Variants in C2orf49 observed in about 807,000 individuals in gnomAD.
The protein encoded by C2orf49 is tRNA-splicing ligase complex subunit ASW.
In C2orf49, 11 loss-of-function variants were observed where a neutral mutation model predicts 20.6. The observed-to-expected ratio is 0.53, with a 90% confidence interval of 0.34 to 0.88. C2orf49 has a LOEUF of 0.88. C2orf49 is among the 40% of genes least tolerant of loss of function. The pLI, the probability that C2orf49 is intolerant of heterozygous loss-of-function variation, is 0.02. For missense variants in C2orf49, 289 were observed against 274.2 expected (o/e 1.05, Z -0.38); for synonymous variants, 134 against 108.5 (o/e 1.24, Z -1.46).
the C2orf49 span, chr2:105,361,443 A>C: frequency 1.2e-6 from 2 of 1,610,808 alleles, no homozygotes; most frequent in East Asian, 4.5e-5. Flanking sequence ...TCCTGTTAAC[A>C]GAGAGAAAAT....
chr2:105,339,036 C>T (rs1049353892), intron 1 of C2orf49, among the ~76,000 whole-genome samples: 10 of 152,222 alleles, frequency 6.6e-5, no homozygotes, highest in Non-Finnish European at 1.0e-4. Context: ...TAATGATGTA[C>T]TGCTACTGTC....
intron 1 of C2orf49, among the ~76,000 whole-genome samples, chr2:105,338,551 C>G (rs758620583): frequency 9.2e-5 from 14 of 152,160 alleles, no homozygotes; most frequent in Non-Finnish European, 1.8e-4. Flanking sequence ...TTTTAACGAG[C>G]TTGTTGCTGG....
At chr2:105,363,549 G>A in the C2orf49 span, 13 of 1,329,360 alleles carry the variant, frequency 9.8e-6, no homozygotes, top group African/African-American at 2.9e-5. Context: ...GCCACTGGAC[G>A]ATGCAAGATC....
chr2:105,337,721 G>GGGGGCC, intron 1 of C2orf49, 35 bp downstream of exon 1: 1 of 26,800 alleles, frequency 3.7e-5, no homozygotes. Context: ...GGGCGGGTGG[G>GGGGGCC]CCTTCCCAGG....
intron 3 of C2orf49, 151 bp downstream of exon 3, chr2:105,343,374 C>T (rs1374391150): frequency 3.2e-6 from 2 of 633,494 alleles, no homozygotes; most frequent in African/African-American, 3.6e-5. Flanking sequence ...CTTATTACTC[C>T]AGTACTTGAA....
intron 3 of C2orf49, among the ~76,000 whole-genome samples, chr2:105,344,620 C>G (rs1020682239): frequency 6.6e-6 from 1 of 152,148 alleles, no homozygotes; most frequent in Middle Eastern, 3.4e-3. Flanking sequence ...TGCTCTGTCT[C>G]CCAGGCTGGA....
At chr2:105,385,433 G>T in the C2orf49 span, among the ~76,000 whole-genome samples, 1 of 152,344 alleles carries the variant, frequency 6.6e-6, no homozygotes, top group Admixed American at 6.5e-5. Context: ...AACGACCAGG[G>T]AGGAGAGCAG....
At chr2:105,349,709 A>T, downstream of C2orf49, among the ~76,000 whole-genome samples, 1 of 152,234 alleles carries the variant, frequency 6.6e-6, no homozygotes, top group Non-Finnish European at 1.5e-5. Context: ...GTAGAAAGTA[A>T]AACAGGGTCA....
chr2:105,360,314 A>AG, the C2orf49 span: 1 of 151,756 alleles, frequency 6.6e-6, no homozygotes, highest in Admixed American at 6.6e-5. Flanking sequence ...AAAAAAAAAA[A>AG]AAAAAGGGAG....
At chr2:105,350,338 G>A (rs775191453), downstream of C2orf49, among the ~76,000 whole-genome samples, 22 of 152,306 alleles carry the variant, frequency 1.4e-4, no homozygotes, top group African/African-American at 4.6e-4. Flanking sequence ...GAATGAAAAC[G>A]GGCAGTGGTA....
chr2:105,371,926 G>A, the C2orf49 span, among the ~76,000 whole-genome samples: 1 of 152,064 alleles, frequency 6.6e-6, no homozygotes, highest in Non-Finnish European at 1.5e-5. Context: ...TTGCACTGTC[G>A]CACAGCACTG....
chr2:105,382,131 T>G, the C2orf49 span, among the ~76,000 whole-genome samples: 2 of 152,248 alleles, frequency 1.3e-5, no homozygotes, highest in Non-Finnish European at 2.9e-5. Flanking sequence ...ACTGAGACTT[T>G]TACAGCCAAT....
chr2:105,366,822 T>A, the C2orf49 span, among the ~76,000 whole-genome samples: 1 of 152,236 alleles, frequency 6.6e-6, no homozygotes, highest in East Asian at 1.9e-4. Flanking sequence ...CTTGGCTCAC[T>A]GCAACCTCCA....
chr2:105,340,138 C>T (rs530758223), intron 2 of C2orf49, among the ~76,000 whole-genome samples: 1 of 152,230 alleles, frequency 6.6e-6, no homozygotes, highest in South Asian at 2.1e-4. Context: ...CCATCATATA[C>T]CAGGAACAAC....
At chr2:105,381,447 G>A in the C2orf49 span, among the ~76,000 whole-genome samples, 6 of 152,222 alleles carry the variant, frequency 3.9e-5, no homozygotes, top group Admixed American at 6.5e-5. Context: ...TGTCCCCTTC[G>A]CGCAGCTTGT....
At chr2:105,351,243 C>T (rs538761317), downstream of C2orf49, among the ~76,000 whole-genome samples, 45 of 148,524 alleles carry the variant, frequency 3.0e-4, no homozygotes, top group East Asian at 1.0e-3. Context: ...ATTTGGCCGA[C>T]GTAGTGTTTG....
At chr2:105,381,929 G>A in the C2orf49 span, among the ~76,000 whole-genome samples, 2 of 152,088 alleles carry the variant, frequency 1.3e-5, no homozygotes, top group Non-Finnish European at 1.5e-5. Flanking sequence ...GTTACACCGA[G>A]GACAGAAGGG....
intron 1 of C2orf49, among the ~76,000 whole-genome samples, chr2:105,338,350 A>G (rs200669853): frequency 2.4e-5 from 2 of 82,456 alleles, no homozygotes; most frequent in Middle Eastern, 5.0e-3. Flanking sequence ...TCCCCTTAGT[A>G]CCCTATCTTT....
chr2:105,349,541 A>G (rs757861812), downstream of C2orf49, among the ~76,000 whole-genome samples: 1 of 152,214 alleles, frequency 6.6e-6, no homozygotes, highest in Non-Finnish European at 1.5e-5. Flanking sequence ...TAGCTTGATC[A>G]TCTTATTGTG....
Sources: gnomAD v4.1 joint callset for allele counts (sites outside exome capture counted in the v4.1 genomes callset) on GRCh38, gnomAD v4.1.1 for gene constraint, MANE v1.5 for transcripts, NCBI Gene and HGNC (gene_info 2026-07-23, HGNC 2026-07-21) for gene names.